Variants in CNTNAP2 observed in about 807,000 individuals in gnomAD.
The protein encoded by CNTNAP2 is contactin associated protein 2.
Under a neutral mutation model 155.2 loss-of-function variants are expected in CNTNAP2, and 98 were observed. The ratio of observed to expected loss-of-function variants is 0.63; its 90% CI spans 0.54 to 0.75. CNTNAP2 has a LOEUF of 0.75. CNTNAP2 is among the 30% of genes least tolerant of loss of function. The pLI is 0.00. For synonymous variants in CNTNAP2, 651 were observed against 631.2 expected (o/e 1.03, Z -0.47); for missense variants, 1,727 against 1,688.1 (o/e 1.02, Z -0.40).
Position 146,877,521 on chromosome 7 carries a change from A to G in CNTNAP2, c.402+37617A>G, listed in dbSNP as rs191350571. Among the ~76,000 whole-genome samples the G allele has an allele frequency of 8.1e-3, 1,225 of 151,630 alleles. 11 individuals carry two copies. Among genetic ancestry groups the G allele is most frequent in the Non-Finnish European group, 0.012 (842 of 67,918 alleles). On this transcript the variant is annotated intron_variant, in intron 3 of 23. Transcript: ENST00000361727. ...GCCTGTCTGTAAAATATATATATAT[A>G]TAAAATATGTGTATATGTGTATATA... is the stretch of plus-strand genomic sequence containing the variant.
intron 1 of CNTNAP2, among the ~76,000 whole-genome samples, chr7:146,383,652 G>A (rs2129105377): frequency 6.6e-6 from 1 of 152,216 alleles, no homozygotes; most frequent in African/African-American, 2.4e-5. Flanking sequence ...CTGCTAATTG[G>A]TAGGAAATTA....
At chr7:147,016,221 G>A (rs963882342) in intron 3 of CNTNAP2, among the ~76,000 whole-genome samples, 8 of 150,836 alleles carry the variant, frequency 5.3e-5, no homozygotes, top group Non-Finnish European at 8.9e-5. Flanking sequence ...AGTGAGCACT[G>A]TCAGTCTTTT....
At chr7:148,171,515 AT>A (rs1805793945) in intron 17 of CNTNAP2, among the ~76,000 whole-genome samples, 2 of 152,224 alleles carry the variant, frequency 1.3e-5, no homozygotes, top group South Asian at 4.1e-4. Context: ...TCTTGGGAAT[AT>A]TTTAATATTT....
chr7:146,441,704 G>A (rs1016639821), intron 1 of CNTNAP2, among the ~76,000 whole-genome samples: 2 of 151,448 alleles, frequency 1.3e-5, no homozygotes, highest in Non-Finnish European at 2.9e-5. Flanking sequence ...CTGAGAAGAA[G>A]GCATGGAGCT....
chr7:146,861,967 C>T (rs185540978), intron 3 of CNTNAP2, among the ~76,000 whole-genome samples: 2 of 152,154 alleles, frequency 1.3e-5, no homozygotes, highest in Admixed American at 6.6e-5. Flanking sequence ...ATTGTATAAC[C>T]ACTGTAATTA....
At chr7:147,624,097 T>C (rs186739526) in intron 12 of CNTNAP2, among the ~76,000 whole-genome samples, 177 of 152,132 alleles carry the variant, frequency 1.2e-3, no homozygotes, top group African/African-American at 4.0e-3. Flanking sequence ...TCTCAACATA[T>C]ACAAAAAGCA....
chr7:146,585,101 GTGTTTTGTTT>G (rs10677797), intron 1 of CNTNAP2, among the ~76,000 whole-genome samples: 1,998 of 147,960 alleles, frequency 0.014, 23 homozygotes, highest in East Asian at 0.062. Context: ...GAGTATCTTG[GTGTTTTGTTT>G]TGTTTTGTTT....
intron 4 of CNTNAP2, among the ~76,000 whole-genome samples, chr7:147,107,502 A>G (rs956760785): frequency 6.6e-6 from 1 of 152,144 alleles, no homozygotes; most frequent in Non-Finnish European, 1.5e-5. Flanking sequence ...AAAACAAACA[A>G]TGGTGCCCAA....
chr7:147,044,545 G>A (rs150362803), intron 4 of CNTNAP2, among the ~76,000 whole-genome samples: 295 of 152,196 alleles, frequency 1.9e-3, no homozygotes, highest in African/African-American at 6.8e-3. Flanking sequence ...AGTCAATGAC[G>A]CTTTCTCTAC....
chr7:146,148,823 C>CA (rs981012979), intron 1 of CNTNAP2, among the ~76,000 whole-genome samples: 4 of 151,722 alleles, frequency 2.6e-5, no homozygotes, highest in Non-Finnish European at 5.9e-5. Context: ...CTAATCAGAA[C>CA]AAAAAAAGGA....
At chr7:147,376,609 T>A (rs982563217) in intron 9 of CNTNAP2, among the ~76,000 whole-genome samples, 1 of 152,000 alleles carries the variant, frequency 6.6e-6, no homozygotes, top group African/African-American at 2.4e-5. Context: ...TTTCTCAGTA[T>A]CAGTGAGTTC....
At chr7:147,218,496 C>G (rs954897123) in intron 8 of CNTNAP2, among the ~76,000 whole-genome samples, 1 of 151,728 alleles carries the variant, frequency 6.6e-6, no homozygotes, top group African/African-American at 2.4e-5. Flanking sequence ...CCCACTTTAT[C>G]CATGTGTTAT....
At chr7:146,504,826 T>A (rs2129133963) in intron 1 of CNTNAP2, among the ~76,000 whole-genome samples, 1 of 152,226 alleles carries the variant, frequency 6.6e-6, no homozygotes, top group African/African-American at 2.4e-5. Flanking sequence ...GTCTCCACAG[T>A]CCCATAAACT....
intron 3 of CNTNAP2, among the ~76,000 whole-genome samples, chr7:146,866,597 T>C (rs958099075): frequency 6.6e-5 from 10 of 152,134 alleles, no homozygotes; most frequent in African/African-American, 2.4e-4. Context: ...CATATGATTG[T>C]ACCTGCATAA....
chr7:147,902,806 G>A (rs1364423587), intron 13 of CNTNAP2, among the ~76,000 whole-genome samples: 15 of 129,696 alleles, frequency 1.2e-4, no homozygotes, highest in Admixed American at 4.2e-4. Context: ...GTGTGTGTGT[G>A]TGTGTGTATG....
chr7:146,119,585 A>AC (rs1797533969), intron 1 of CNTNAP2, among the ~76,000 whole-genome samples: 2 of 152,146 alleles, frequency 1.3e-5, no homozygotes, highest in Non-Finnish European at 2.9e-5. Flanking sequence ...TTTAAAGAAA[A>AC]TATTTCACTC....
chr7:146,127,883 AG>A (rs1797659243), intron 1 of CNTNAP2, among the ~76,000 whole-genome samples: 1 of 152,220 alleles, frequency 6.6e-6, no homozygotes, highest in African/African-American at 2.4e-5. Flanking sequence ...ATATTGTTGA[AG>A]TTGTTATGAA....
At chr7:147,246,641 T>A (rs1211555384) in intron 8 of CNTNAP2, among the ~76,000 whole-genome samples, 2 of 152,134 alleles carry the variant, frequency 1.3e-5, no homozygotes, top group Non-Finnish European at 2.9e-5. Context: ...AATATCACAT[T>A]AGTGACTAGG....
intron 15 of CNTNAP2, among the ~76,000 whole-genome samples, chr7:148,103,642 T>TG (rs1804149487): frequency 6.6e-6 from 1 of 151,928 alleles, no homozygotes; most frequent in South Asian, 2.1e-4. Flanking sequence ...TGCTTCACAC[T>TG]AAAAACAGCA....
Sources: allele counts gnomAD v4.1 joint callset (sites outside exome capture counted in the v4.1 genomes callset), GRCh38; gene constraint gnomAD v4.1.1; transcripts MANE v1.5; gene names NCBI Gene and HGNC (gene_info 2026-07-23, HGNC 2026-07-21).